The following ZNF710 variants were observed in gnomAD, a reference collection of about 807,000 sequenced individuals.
The protein encoded by ZNF710 is zinc finger protein 710.
A neutral mutation model predicts 50.6 loss-of-function variants in ZNF710; 13 were observed. That is an observed-to-expected ratio of 0.26 (90% CI 0.17 to 0.41). The LOEUF (loss-of-function observed/expected upper bound fraction) is 0.41, where lower values mean the gene tolerates loss of function less well. ZNF710 is among the 10% of genes least tolerant of loss of function. ZNF710 has a pLI of 1.00. For synonymous variants in ZNF710, 383 were observed against 397.0 expected (o/e 0.96, Z 0.42); for missense variants, 721 against 936.6 (o/e 0.77, Z 3.01).
chr15:90,052,460 G>C (rs543120004), intron 1 of ZNF710, among the ~76,000 whole-genome samples: 1 of 152,278 alleles, frequency 6.6e-6, no homozygotes, highest in South Asian at 2.1e-4. Flanking sequence ...AGCTAAGGAG[G>C]ACTCGGAGTG....
At chr15:90,021,909 C>T (rs960146870) in intron 1 of ZNF710, among the ~76,000 whole-genome samples, 3 of 152,116 alleles carry the variant, frequency 2.0e-5, no homozygotes, top group African/African-American at 4.8e-5. Context: ...TAGCAAAACC[C>T]GTCTCTACTA....
At chr15:90,033,540 A>G (rs113397115) in intron 1 of ZNF710, among the ~76,000 whole-genome samples, 1,976 of 152,178 alleles carry the variant, frequency 0.013, 22 homozygotes, top group Middle Eastern at 0.051. Context: ...GCCTTGTCCC[A>G]TATGTTCCTT....
At chr15:90,030,770 T>A (rs28733319) in intron 1 of ZNF710, among the ~76,000 whole-genome samples, 96,103 of 151,588 alleles carry the variant, frequency 0.63, 32,172 homozygotes, top group African/African-American at 0.82. Context: ...TAATCCCAGC[T>A]CTTTGGGAGG....
chr15:90,054,244 G>A (rs551344617), intron 1 of ZNF710, among the ~76,000 whole-genome samples: 149 of 152,220 alleles, frequency 9.8e-4, no homozygotes, highest in African/African-American at 3.4e-3. Flanking sequence ...GTGGCAGAGC[G>A]GAGGATGGGG....
chr15:90,020,837 G>C (rs1489476331), intron 1 of ZNF710, among the ~76,000 whole-genome samples: 2 of 152,266 alleles, frequency 1.3e-5, no homozygotes, highest in East Asian at 3.9e-4. Flanking sequence ...CCCGCAACTT[G>C]TGACAGTGTT....
intron 1 of ZNF710, among the ~76,000 whole-genome samples, chr15:90,014,782 T>C (rs540103756): frequency 6.6e-6 from 1 of 152,242 alleles, no homozygotes; most frequent in African/African-American, 2.4e-5. Context: ...GTCTCCCAGT[T>C]CTCAAAATTG....
Position 90,068,251 on chromosome 15 carries a change from C to T in ZNF710, c.1114C>T (p.Leu372=). ...CAGCCACCTCAAGCGCCACATGCTG[C>T]TGCACTCGGAGGTCAAGCCCTACAG... The part of the protein sequence containing the change: ...QTSHLKRHML[L]HSEVKPYSCH... The change falls in exon 2 of 5, where the codon CTG becomes TTG. Residue 372 remains leucine (L), a synonymous_variant. Coordinates refer to ENST00000268154, the MANE Select transcript of ZNF710 (RefSeq NM_198526.4). This position sits in a 1 kb window ranked among gnomAD's most constrained non-coding sequence, Gnocchi z 5.0. 6.2e-7 allele frequency: 1 copy of T among 1,613,376 alleles called. No homozygotes were observed. The highest frequency in any genetic ancestry group is 8.5e-7 in the Non-Finnish European group (1 of 1,180,004).
chr15:90,012,910 G>A (rs1305341022), intron 1 of ZNF710, among the ~76,000 whole-genome samples: 1 of 151,668 alleles, frequency 6.6e-6, no homozygotes, highest in Non-Finnish European at 1.5e-5. Context: ...CTTACTCCTT[G>A]TGTTTTTTAA....
chr15:90,036,381 C>T (rs901926944), intron 1 of ZNF710, among the ~76,000 whole-genome samples: 2 of 152,130 alleles, frequency 1.3e-5, no homozygotes, highest in African/African-American at 2.4e-5. Flanking sequence ...TGACACCAGG[C>T]GAGTGCTCCT....
Position 90,034,428 on chromosome 15 carries a change from C to CTGTGTGTGTG in ZNF710, c.-28-32644_-28-32635dup, listed in dbSNP as rs398028304. Among the ~76,000 whole-genome samples the CTGTGTGTGTG allele has an allele frequency of 6.2e-3, 838 of 136,238 alleles. 5 individuals carry two copies. Among genetic ancestry groups the CTGTGTGTGTG allele is most frequent in the Non-Finnish European group, 8.6e-3 (537 of 62,192 alleles). 89.4% of individuals were successfully genotyped at this position (136,238 alleles called of 152,430 possible). A position where few individuals can be genotyped will look rare whatever the true frequency, so the allele number is the denominator to read the frequency against. On this transcript the variant is annotated intron_variant, in intron 1 of 4. Transcript: ENST00000268154. This position sits in a 1 kb window ranked among gnomAD's most constrained non-coding sequence, Gnocchi z 4.0. ...AGCTGTCCTTCCTGTTTCCAAATTCCTGTGTGTGTGTGTGTGTGTGTGTGT... is the reference window on the plus strand; with the variant it reads ...AGCTGTCCTTCCTGTTTCCAAATTCCTGTGTGTGTGTGTGTGTGTGTGTGTGTGTGTGTGT...
chr15:90,049,563 G>A (rs1899573658), intron 1 of ZNF710, among the ~76,000 whole-genome samples: 2 of 152,186 alleles, frequency 1.3e-5, no homozygotes, highest in Admixed American at 6.5e-5. Flanking sequence ...CTGCAGACAG[G>A]GCTTCCAAGC....
At chr15:90,046,471 AC>A (rs1899464500) in intron 1 of ZNF710, among the ~76,000 whole-genome samples, 1 of 152,102 alleles carries the variant, frequency 6.6e-6, no homozygotes, top group African/African-American at 2.4e-5. Flanking sequence ...CCCCAAGAAG[AC>A]TAGAGGAGGG....
chr15:90,027,799 T>A (rs1898822653), intron 1 of ZNF710, among the ~76,000 whole-genome samples: 1 of 151,730 alleles, frequency 6.6e-6, no homozygotes, highest in South Asian at 2.1e-4. Flanking sequence ...TTAGCCGAGA[T>A]TGTGCCACTG....
At chr15:90,027,780 A>G (rs1169195379) in intron 1 of ZNF710, among the ~76,000 whole-genome samples, 2 of 147,824 alleles carry the variant, frequency 1.4e-5, no homozygotes, top group South Asian at 2.2e-4. Flanking sequence ...TGAACCTGGG[A>G]GGTTGCAGTT....
intron 1 of ZNF710, among the ~76,000 whole-genome samples, chr15:90,031,164 G>C (rs898120294): frequency 6.6e-6 from 1 of 152,124 alleles, no homozygotes; most frequent in Non-Finnish European, 1.5e-5. Context: ...TTGTGGACCC[G>C]ACAGTTGGTG....
intron 1 of ZNF710, among the ~76,000 whole-genome samples, chr15:90,064,068 C>T (rs1900095696): frequency 6.6e-6 from 1 of 152,206 alleles, no homozygotes; most frequent in Admixed American, 6.5e-5. Flanking sequence ...TCTTGCTGGT[C>T]CTGCCTTTGG....
At position 90,062,442 on chromosome 15, in the gene ZNF710, G is replaced by A. The variant is rs79339183; in HGVS notation, c.-28-4668G>A. On this transcript the variant is annotated intron_variant, in intron 1 of 4. Coordinates refer to ENST00000268154, the MANE Select transcript of ZNF710 (RefSeq NM_198526.4). The surrounding 1 kb of genome is among the most constrained non-coding windows in gnomAD (Gnocchi z 5.6). Reference sequence around the variant, plus strand: ...GAGCTCCCCTTTCTCCTGGACATGGGGGGAGCTTTTGTTCTGAGTCCTTAG... The same window carrying A: ...GAGCTCCCCTTTCTCCTGGACATGGAGGGAGCTTTTGTTCTGAGTCCTTAG... Among the ~76,000 whole-genome samples, 152 of 152,302 alleles carry A rather than the reference G, an allele frequency of 1.0e-3. No homozygotes were observed. Among genetic ancestry groups the A allele is most frequent in the African/African-American group, 3.5e-3 (147 of 41,580 alleles).
At chr15:90,021,057 G>GT (rs1214093454) in intron 1 of ZNF710, among the ~76,000 whole-genome samples, 1 of 150,106 alleles carries the variant, frequency 6.7e-6, no homozygotes, top group Non-Finnish European at 1.5e-5. Flanking sequence ...AAGGGTGAGG[G>GT]TTTCAGCCCT....
chr15:90,045,462 A>T, intron 1 of ZNF710: 1 of 931,248 alleles, frequency 1.1e-6, no homozygotes, highest in Non-Finnish European at 1.3e-6. Context: ...CACTGAGGTG[A>T]GCGCAGAAGC....
Sources: gnomAD v4.1 joint callset for allele counts (sites outside exome capture counted in the v4.1 genomes callset) on GRCh38, gnomAD v4.1.1 for gene constraint, Gnocchi (gnomAD v3.1) non-coding constraint, MANE v1.5 for transcripts, NCBI Gene and HGNC (gene_info 2026-07-23, HGNC 2026-07-21) for gene names.